PRKCB: variants seen among roughly 807,000 people sequenced by gnomAD.
The protein encoded by PRKCB is protein kinase C beta type.
A neutral mutation model predicts 81.5 loss-of-function variants in PRKCB; 13 were observed. That is an observed-to-expected ratio of 0.16 (90% CI 0.10 to 0.25). The LOEUF (loss-of-function observed/expected upper bound fraction) is 0.25. Ranked by LOEUF, PRKCB falls within the 10% of genes least tolerant of loss-of-function variation. The pLI, the probability that PRKCB is intolerant of heterozygous loss-of-function variation, is 1.00. For synonymous variants in PRKCB, 335 were observed against 321.4 expected (o/e 1.04, Z -0.45); for missense variants, 509 against 875.7 (o/e 0.58, Z 5.29).
intron 13 of PRKCB, among the ~76,000 whole-genome samples, chr16:24,181,742 T>A (rs1373631773): frequency 9.2e-6 from 1 of 108,606 alleles, no homozygotes; most frequent in Non-Finnish European, 1.7e-5. Context: ...CACTCCAGCC[T>A]GCCTGGGTGA....
intron 9 of PRKCB, among the ~76,000 whole-genome samples, chr16:24,145,295 T>G (rs549198734): frequency 6.6e-6 from 1 of 152,176 alleles, no homozygotes; most frequent in African/African-American, 2.4e-5. Flanking sequence ...GAGAATAGAA[T>G]GGACCAGGTG....
At chr16:23,969,116 G>A (rs1262656506) in intron 2 of PRKCB, among the ~76,000 whole-genome samples, 1 of 152,184 alleles carries the variant, frequency 6.6e-6, no homozygotes. Flanking sequence ...GTTGCAGTGA[G>A]CTGAGATCGC....
At chr16:24,182,431 G>A (rs1967640388) in intron 13 of PRKCB, among the ~76,000 whole-genome samples, 1 of 152,136 alleles carries the variant, frequency 6.6e-6, no homozygotes, top group African/African-American at 2.4e-5. Context: ...TAAGGTGGGA[G>A]GATCACTTGA....
chr16:23,952,976 CCA>C (rs1364953989), intron 2 of PRKCB, among the ~76,000 whole-genome samples: 1 of 152,224 alleles, frequency 6.6e-6, no homozygotes, highest in Admixed American at 6.5e-5. Context: ...CACTTGGTCC[CCA>C]GTCAACCTGT....
intron 2 of PRKCB, among the ~76,000 whole-genome samples, chr16:23,866,353 T>C (rs1597216295): frequency 6.6e-6 from 1 of 152,326 alleles, no homozygotes; most frequent in Admixed American, 6.5e-5. Context: ...AGTGACATTG[T>C]CCTGCTGTGT....
chr16:24,084,460 T>A (rs1332688170), intron 5 of PRKCB, among the ~76,000 whole-genome samples: 1 of 152,160 alleles, frequency 6.6e-6, no homozygotes, highest in Non-Finnish European at 1.5e-5. Flanking sequence ...ACACACTTTG[T>A]CAGTCTTGGA....
Position 24,215,235 on chromosome 16 carries a change from G to T in PRKCB, c.*419G>T, listed in dbSNP as rs928080060. On this transcript the variant is annotated 3_prime_UTR_variant, in exon 17 of 17. Coordinates refer to ENST00000643927, the MANE Select transcript of PRKCB (RefSeq NM_002738.7). ...CCTGGAGCTTGGCTTGTATCCAAGT[G>T]TATGGTTGCTTTGCCTAAGAGGAAT... 4.6e-5 allele frequency: 46 copies of T among 997,642 alleles called. No homozygotes were observed. The African/African-American group carries it at 7.8e-4, about 17-fold the overall frequency. 61.8% of individuals were successfully genotyped at this position (997,642 alleles called of 1,614,324 possible). A position where few individuals can be genotyped will look rare whatever the true frequency, so the allele number is the denominator to read the frequency against.
At chr16:24,009,786 G>A (rs7187179) in intron 3 of PRKCB, among the ~76,000 whole-genome samples, 50,261 of 151,562 alleles carry the variant, frequency 0.33, 8,690 homozygotes, top group African/African-American at 0.41. Context: ...GGCCGAGGTA[G>A]GGGGGATCAC....
At position 24,212,303 on chromosome 16, in the gene PRKCB, A is replaced by T. The variant is rs138591360; in HGVS notation, c.1864-2355A>T. Among the ~76,000 whole-genome samples the T allele has an allele frequency of 1.9e-3, 290 of 151,654 alleles. 1 individual carries two copies. The highest frequency in any genetic ancestry group is 6.7e-3 in the African/African-American group (275 of 41,330). ...AGTTTTTACATGAATGAAAAAGGTC[A>T]TATATTCAAAAACACTTGGCAAATG... On this transcript the variant is annotated intron_variant, in intron 16 of 16. Coordinates refer to ENST00000643927, the MANE Select transcript of PRKCB (RefSeq NM_002738.7).
In PRKCB at chr16:24,019,707, T is replaced by A. The variant is rs1291833233; in HGVS notation, c.289-12429T>A. On this transcript the variant is annotated intron_variant, in intron 3 of 16. Transcript: ENST00000643927. ...TGAACCTGGGAGGTTGAGGCTGCAGTGAGCCGAGATTGCACTGCTGCACTC... is the reference window on the plus strand; with the variant it reads ...TGAACCTGGGAGGTTGAGGCTGCAGAGAGCCGAGATTGCACTGCTGCACTC... Among the ~76,000 whole-genome samples the A allele has an allele frequency of 2.7e-5, 4 of 150,868 alleles. No individual in the cohort carries two copies. In the East Asian group the frequency reaches 7.8e-4, roughly 29 times the overall value.
chr16:24,206,272 C>T (rs978588680), intron 16 of PRKCB, among the ~76,000 whole-genome samples: 5 of 152,212 alleles, frequency 3.3e-5, no homozygotes, highest in Non-Finnish European at 5.9e-5. Context: ...GTGGGTCCCT[C>T]CTGTATTCGG....
At chr16:24,181,709 A>G (rs1036968300) in intron 13 of PRKCB, among the ~76,000 whole-genome samples, 1 of 134,646 alleles carries the variant, frequency 7.4e-6, no homozygotes, top group Non-Finnish European at 1.5e-5. Flanking sequence ...TCCAGGCTGC[A>G]GTGAGCCGTG....
intron 7 of PRKCB, among the ~76,000 whole-genome samples, chr16:24,107,573 G>A (rs903159278): frequency 1.3e-5 from 2 of 152,202 alleles, no homozygotes; most frequent in African/African-American, 4.8e-5. Flanking sequence ...CGTTGGTTCT[G>A]TGCATCTCAA....
intron 5 of PRKCB, among the ~76,000 whole-genome samples, chr16:24,042,874 A>G (rs1416353488): frequency 6.6e-6 from 1 of 152,026 alleles, no homozygotes; most frequent in Non-Finnish European, 1.5e-5. Flanking sequence ...AGTAGCTGGG[A>G]CTACAGGCAT....
rs140020812 is a variant in PRKCB, at chr16:24,145,780, G to A, written c.1066-8904G>A. On this transcript the variant is annotated intron_variant, in intron 9 of 16. Coordinates refer to ENST00000643927, the MANE Select transcript of PRKCB (RefSeq NM_002738.7). The stretch of plus-strand genomic sequence containing the variant: ...AAAGCTCCCGGGCCAGTTGAAAACC[G>A]GAGGTTGGTGCTTTGTACAAAGCTC... Among the ~76,000 whole-genome samples, 781 of 152,300 alleles carry A rather than the reference G, an allele frequency of 5.1e-3. 6 individuals are homozygous for A. Among genetic ancestry groups the A allele is most frequent in the African/African-American group, 0.017 (716 of 41,554 alleles).
intron 2 of PRKCB, among the ~76,000 whole-genome samples, chr16:23,900,614 T>TC (rs1406811840): frequency 6.6e-6 from 1 of 151,548 alleles, no homozygotes; most frequent in Admixed American, 6.6e-5. Context: ...TCACACATAT[T>TC]TTTTTCCTTG....
intron 2 of PRKCB, among the ~76,000 whole-genome samples, chr16:23,885,889 T>TA (rs1963190433): frequency 6.6e-6 from 1 of 152,218 alleles, no homozygotes; most frequent in Non-Finnish European, 1.5e-5. Flanking sequence ...GCCTTGGCCT[T>TA]AGTGTATTTC....
chr16:24,196,153 G>A (rs1166325355), intron 16 of PRKCB, among the ~76,000 whole-genome samples: 1 of 152,180 alleles, frequency 6.6e-6, no homozygotes, highest in Non-Finnish European at 1.5e-5. Context: ...CTTTAAGATT[G>A]TGACTTTCTC....
chr16:24,114,279 A>AC (rs1407021895), intron 8 of PRKCB, among the ~76,000 whole-genome samples: 1 of 149,948 alleles, frequency 6.7e-6, no homozygotes. Context: ...AAAAAAAAAA[A>AC]AAATAAGTAG....
Sources: allele counts gnomAD v4.1 joint callset (sites outside exome capture counted in the v4.1 genomes callset), GRCh38; gene constraint gnomAD v4.1.1; transcripts MANE v1.5; gene names NCBI Gene and HGNC (gene_info 2026-07-23, HGNC 2026-07-21).